The following PTPRD variants were observed in gnomAD, a reference collection of about 807,000 sequenced individuals.
PTPRD encodes the protein protein tyrosine phosphatase receptor type D, also known as receptor-type tyrosine-protein phosphatase delta.
Under a neutral mutation model 214.5 loss-of-function variants are expected in PTPRD, and 34 were observed. The ratio of observed to expected loss-of-function variants is 0.16; its 90% confidence interval spans 0.12 to 0.21. The LOEUF (loss-of-function observed/expected upper bound fraction) is 0.21, where lower values mean the gene tolerates loss of function less well. Ranked by LOEUF, PTPRD falls within the 10% of genes least tolerant of loss-of-function variation. PTPRD has a pLI of 1.00. For synonymous variants in PTPRD, 1,128 were observed against 845.7 expected, an observed-to-expected ratio of 1.33 and a Z score of -5.79; for missense variants, 2,545 against 2,398.7, an observed-to-expected ratio of 1.06 and a Z score of -1.27.
chr9:10,535,699 A>G (rs1321948487), intron 2 of PTPRD, among the ~76,000 whole-genome samples: 1 of 152,154 alleles, frequency 6.6e-6, no homozygotes. Flanking sequence ...GACTTTACTC[A>G]TTACATATAA....
chr9:8,694,110 T>G (rs1034274697), intron 12 of PTPRD, among the ~76,000 whole-genome samples: 2 of 152,168 alleles, frequency 1.3e-5, no homozygotes, highest in Non-Finnish European at 2.9e-5. Context: ...AAAACATGAT[T>G]TAACAATGGA....
At chr9:9,515,044 T>G (rs10977830) in intron 8 of PTPRD, among the ~76,000 whole-genome samples, 1 of 152,054 alleles carries the variant, frequency 6.6e-6, no homozygotes, top group Non-Finnish European at 1.5e-5. Flanking sequence ...ACTACATTTA[T>G]ATGTTGGGTA....
chr9:9,298,966 T>A (rs1322428194), intron 9 of PTPRD, among the ~76,000 whole-genome samples: 1 of 151,802 alleles, frequency 6.6e-6, no homozygotes, highest in Non-Finnish European at 1.5e-5. Context: ...AAGACTTAAA[T>A]GTGTTTGCTA....
intron 37 of PTPRD, among the ~76,000 whole-genome samples, chr9:8,382,049 G>C (rs932877737): frequency 2.0e-5 from 3 of 152,178 alleles, no homozygotes; most frequent in African/African-American, 7.2e-5. Context: ...AGCCACCTCT[G>C]CTTCTGCCTT....
intron 11 of PTPRD, among the ~76,000 whole-genome samples, chr9:9,010,888 C>T (rs183651819): frequency 1.0e-3 from 159 of 152,202 alleles, no homozygotes; most frequent in South Asian, 2.5e-3. Flanking sequence ...CAAATATTAT[C>T]CGCTTATTGC....
chr9:8,391,980 G>C (rs546736696), intron 36 of PTPRD, among the ~76,000 whole-genome samples: 2 of 129,366 alleles, frequency 1.5e-5, no homozygotes, highest in Admixed American at 1.5e-4. Context: ...TAACAAGGAG[G>C]GGGTAGGCTG....
intron 8 of PTPRD, among the ~76,000 whole-genome samples, chr9:9,498,439 G>C (rs189214699): frequency 2.6e-5 from 4 of 152,160 alleles, no homozygotes; most frequent in African/African-American, 9.6e-5. Context: ...GTTTCATTTA[G>C]ATTTGATAAA....
In PTPRD at chr9:8,423,974, ATT is replaced by A. The variant is rs569268906; in HGVS notation, c.4086+12616_4086+12617del. Among the ~76,000 whole-genome samples the A allele has an allele frequency of 1.2e-3, 189 of 152,284 alleles. 1 individual carries two copies. The highest frequency in any genetic ancestry group is 4.2e-3 in the African/African-American group (174 of 41,552). On this transcript the variant is annotated intron_variant, in intron 35 of 45. Coordinates refer to ENST00000381196, the MANE Select transcript of PTPRD (RefSeq NM_002839.4). ...TTTGACAAGCTTAGGATGGAATGCT[ATT>A]TGTTTCAGATATAAACTATAATCCT...
chr9:9,464,759 T>C (rs1427124390), intron 8 of PTPRD, among the ~76,000 whole-genome samples: 1 of 152,172 alleles, frequency 6.6e-6, no homozygotes, highest in Non-Finnish European at 1.5e-5. Flanking sequence ...AGTACCTTTT[T>C]ATTTATTTAT....
chr9:10,080,119 G>C (rs1416492088), intron 3 of PTPRD, among the ~76,000 whole-genome samples: 1 of 151,952 alleles, frequency 6.6e-6, no homozygotes, highest in Non-Finnish European at 1.5e-5. Context: ...AATGCAAAGA[G>C]AACAGCATAC....
At chr9:8,498,305 C>A (rs1345750616) in intron 25 of PTPRD, among the ~76,000 whole-genome samples, 1 of 152,102 alleles carries the variant, frequency 6.6e-6, no homozygotes, top group African/African-American at 2.4e-5. Context: ...GAGATGCAAT[C>A]TTCCTCTGTT....
chr9:9,172,250 G>A (rs1229855134), intron 10 of PTPRD, among the ~76,000 whole-genome samples: 2 of 152,004 alleles, frequency 1.3e-5, no homozygotes, highest in Non-Finnish European at 1.5e-5. Context: ...GTCAAAAAAG[G>A]GAATGTATAA....
intron 11 of PTPRD, among the ~76,000 whole-genome samples, chr9:8,794,386 A>G (rs2096342551): frequency 6.6e-6 from 1 of 152,192 alleles, no homozygotes; most frequent in Admixed American, 6.5e-5. Context: ...CTCTGGTAAA[A>G]TGTGTAGAAA....
chr9:10,307,756 A>G (rs1271266525), intron 3 of PTPRD, among the ~76,000 whole-genome samples: 1 of 151,996 alleles, frequency 6.6e-6, no homozygotes, highest in Non-Finnish European at 1.5e-5. Context: ...GATAATAGCC[A>G]TTCTAACTGG....
intron 7 of PTPRD, among the ~76,000 whole-genome samples, chr9:9,662,768 G>C (rs149697490): frequency 4.3e-4 from 65 of 151,624 alleles, no homozygotes; most frequent in African/African-American, 1.4e-3. Context: ...ATCCAGAAAT[G>C]GGATTGCTAT....
intron 6 of PTPRD, among the ~76,000 whole-genome samples, chr9:9,764,400 G>C (rs2098689477): frequency 1.3e-5 from 2 of 152,204 alleles, no homozygotes; most frequent in Admixed American, 1.3e-4. Flanking sequence ...ATGAAATTTT[G>C]AAAAGAAGTT....
chr9:10,217,120 T>A (rs566481972), intron 3 of PTPRD, among the ~76,000 whole-genome samples: 1 of 152,100 alleles, frequency 6.6e-6, no homozygotes, highest in Admixed American at 6.6e-5. Flanking sequence ...CAAGTGGCAT[T>A]GAAACTAGCT....
intron 3 of PTPRD, among the ~76,000 whole-genome samples, chr9:10,089,268 C>T (rs976099008): frequency 4.0e-5 from 6 of 150,004 alleles, no homozygotes; most frequent in African/African-American, 1.5e-4. Context: ...TCATTTTATG[C>T]AAAATTTTGT....
intron 34 of PTPRD, among the ~76,000 whole-genome samples, chr9:8,438,435 C>A (rs528230094): frequency 1.3e-5 from 2 of 152,140 alleles, no homozygotes; most frequent in Admixed American, 6.5e-5. Flanking sequence ...TATAATAATG[C>A]CTTTGGAACA....
Sources: gnomAD v4.1 joint callset for allele counts (sites outside exome capture counted in the v4.1 genomes callset) on GRCh38, gnomAD v4.1.1 for gene constraint, MANE v1.5 for transcripts, NCBI Gene and HGNC (gene_info 2026-07-23, HGNC 2026-07-21) for gene names.